PIK3C2G: variants seen among roughly 807,000 people sequenced by gnomAD.
The protein encoded by PIK3C2G is phosphatidylinositol 3-kinase C2 domain-containing subunit gamma.
PIK3C2G carries 168 observed loss-of-function variants against 181.1 expected under a neutral mutation model. That is an observed-to-expected ratio of 0.93 (90% CI 0.82 to 1.05). The LOEUF is 1.05. Ranked by LOEUF, PIK3C2G falls within the 50% of genes least tolerant of loss-of-function variation. PIK3C2G has a pLI of 0.00. For synonymous variants in PIK3C2G, 573 were observed against 592.2 expected, an observed-to-expected ratio of 0.97 and a Z score of 0.47; for missense variants, 1,869 against 1,732.8, an observed-to-expected ratio of 1.08 and a Z score of -1.40.
the PIK3C2G span, among the ~76,000 whole-genome samples, chr12:18,702,451 C>T: frequency 5.9e-5 from 9 of 152,104 alleles, no homozygotes; most frequent in East Asian, 1.9e-4. Context: ...ATTTAAGTAC[C>T]GGCTCTGTTA....
At chr12:18,301,305 C>T (rs964029538) in intron 5 of PIK3C2G, among the ~76,000 whole-genome samples, 2 of 152,106 alleles carry the variant, frequency 1.3e-5, no homozygotes, top group African/African-American at 4.8e-5. Flanking sequence ...GTCTGCTATG[C>T]CTTTGCCCAT....
At chr12:18,547,664 C>CAAAACAAAACAAAACA (rs1555120939) in intron 26 of PIK3C2G, among the ~76,000 whole-genome samples, 3 of 151,298 alleles carry the variant, frequency 2.0e-5, no homozygotes, top group African/African-American at 7.3e-5. Context: ...CAAAACAAAA[C>CAAAACAAAACAAAACA]AAAAAAAACC....
the PIK3C2G span, among the ~76,000 whole-genome samples, chr12:18,665,604 C>T: frequency 6.6e-6 from 1 of 152,050 alleles, no homozygotes; most frequent in Admixed American, 6.6e-5. Context: ...ACTAGCCTGA[C>T]CAACATAGTG....
At chr12:18,411,136 A>C (rs2135629078) in intron 16 of PIK3C2G, among the ~76,000 whole-genome samples, 1 of 152,312 alleles carries the variant, frequency 6.6e-6, no homozygotes, top group East Asian at 1.9e-4. Context: ...CTTACTATTA[A>C]ATATCTTTAC....
At chr12:18,685,376 T>A in the PIK3C2G span, 693 of 165,162 alleles carry the variant, frequency 4.2e-3, 6 homozygotes, top group African/African-American at 0.015. Context: ...AGATTAAATA[T>A]AAATTCTGCT....
At chr12:18,639,876 C>G (rs191269525) in intron 31 of PIK3C2G, among the ~76,000 whole-genome samples, 1 of 151,950 alleles carries the variant, frequency 6.6e-6, no homozygotes, top group Non-Finnish European at 1.5e-5. Flanking sequence ...ATTTAGAGTA[C>G]TTTAGATGAT....
intron 29 of PIK3C2G, among the ~76,000 whole-genome samples, chr12:18,582,059 A>T (rs529592290): frequency 6.6e-6 from 1 of 152,320 alleles, no homozygotes; most frequent in Admixed American, 6.5e-5. Context: ...GATTAAGCAA[A>T]AATGGGTATG....
rs151162608 is a variant in PIK3C2G at position 18,416,251 on chromosome 12, A to AAAAAGAAAAG, written c.2316-4677_2316-4668dup. ...TGGAGCAAGACTCCATCTCAAAAAGAAAAAGAAAAGAAAAGAAAAGAAGGA... is the reference window on the plus strand; with the variant it reads ...TGGAGCAAGACTCCATCTCAAAAAGAAAAAGAAAAGAAAAGAAAAGAAAAGAAAAGAAGGA... On this transcript the variant is annotated intron_variant, in intron 16 of 32. Transcript: ENST00000538779. Among the ~76,000 whole-genome samples the AAAAAGAAAAG allele has an allele frequency of 1.5e-3, 229 of 151,574 alleles. 3 individuals are homozygous for AAAAAGAAAAG. In the East Asian group the frequency reaches 0.038, roughly 25 times the overall value.
At chr12:18,406,481 G>A (rs1362177696) in intron 16 of PIK3C2G, among the ~76,000 whole-genome samples, 1 of 152,088 alleles carries the variant, frequency 6.6e-6, no homozygotes, top group Non-Finnish European at 1.5e-5. Context: ...AGATATAAAT[G>A]GTGCCTCTTG....
intron 3 of PIK3C2G, among the ~76,000 whole-genome samples, chr12:18,287,742 T>C (rs1949511115): frequency 6.6e-6 from 1 of 151,156 alleles, no homozygotes; most frequent in Admixed American, 6.6e-5. Flanking sequence ...CGTGCACCTG[T>C]AACACCAGAT....
chr12:18,422,317 A>T (rs1443054355), intron 17 of PIK3C2G, among the ~76,000 whole-genome samples: 1 of 136,854 alleles, frequency 7.3e-6, no homozygotes, highest in Non-Finnish European at 1.6e-5. Context: ...GACTAGAAAA[A>T]TTTAAAAAAA....
chr12:18,530,789 G>T (rs571088383), intron 24 of PIK3C2G, among the ~76,000 whole-genome samples: 1 of 152,030 alleles, frequency 6.6e-6, no homozygotes, highest in South Asian at 2.1e-4. Context: ...GCTCCACCAC[G>T]TGAAGATGGT....
At chr12:18,541,111 C>A in intron 25 of PIK3C2G, among the ~76,000 whole-genome samples, 1 of 151,924 alleles carries the variant, frequency 6.6e-6, no homozygotes, top group East Asian at 1.9e-4. Context: ...AAAAAGAATT[C>A]AGTCTACTTA....
intron 32 of PIK3C2G, among the ~76,000 whole-genome samples, chr12:18,646,474 T>C (rs1017191017): frequency 2.6e-5 from 4 of 152,122 alleles, no homozygotes; most frequent in Admixed American, 6.6e-5. Flanking sequence ...TGAATCATTG[T>C]TCAGAGTCAC....
At chr12:18,454,023 C>A (rs1023260037) in intron 18 of PIK3C2G, among the ~76,000 whole-genome samples, 1 of 152,220 alleles carries the variant, frequency 6.6e-6, no homozygotes, top group South Asian at 2.1e-4. Context: ...TGATACACGT[C>A]TTCTTTTCAA....
chr12:18,383,698 A>G (rs1942983874), intron 14 of PIK3C2G, among the ~76,000 whole-genome samples: 1 of 152,208 alleles, frequency 6.6e-6, no homozygotes, highest in Non-Finnish European at 1.5e-5. Flanking sequence ...AGGTTTGGAC[A>G]TGATTATCTG....
intron 14 of PIK3C2G, among the ~76,000 whole-genome samples, chr12:18,387,011 G>A (rs981998145): frequency 1.3e-5 from 2 of 152,030 alleles, no homozygotes; most frequent in Admixed American, 6.6e-5. Flanking sequence ...AGCTTCAAAC[G>A]AAACATGCCC....
chr12:18,705,368 A>ACAATTATTT, the PIK3C2G span: 1 of 1,577,766 alleles, frequency 6.3e-7, no homozygotes, highest in Non-Finnish European at 8.7e-7. Flanking sequence ...AAATAATTGT[A>ACAATTATTT]AGGCAATTAA....
chr12:18,248,978 G>T (rs1309183251), intron 1 of PIK3C2G, among the ~76,000 whole-genome samples: 1 of 152,014 alleles, frequency 6.6e-6, no homozygotes, highest in Non-Finnish European at 1.5e-5. Flanking sequence ...GGACTCTAGC[G>T]CATATTCTCT....
Sources: allele counts gnomAD v4.1 joint callset (sites outside exome capture counted in the v4.1 genomes callset), GRCh38; gene constraint gnomAD v4.1.1; transcripts MANE v1.5; gene names NCBI Gene and HGNC (gene_info 2026-07-23, HGNC 2026-07-21).